GNPDA2: variants seen among roughly 807,000 people sequenced by gnomAD.
GNPDA2 encodes glucosamine-6-phosphate deaminase 2.
In GNPDA2, 24 loss-of-function variants were observed where a neutral mutation model predicts 27.0. The ratio of observed to expected loss-of-function variants is 0.89; its 90% CI spans 0.64 to 1.25. The LOEUF (loss-of-function observed/expected upper bound fraction) is 1.25. Among genes scored for constraint, GNPDA2 ranks in the 50% most tolerant of loss-of-function variants. GNPDA2 has a pLI of 0.00. For synonymous variants in GNPDA2, 94 were observed against 108.4 expected (o/e 0.87, Z 0.83); for missense variants, 286 against 335.1 (o/e 0.85, Z 1.14).
intron 4 of GNPDA2, among the ~76,000 whole-genome samples, chr4:44,711,745 GT>G (rs1421940948): frequency 3.7e-4 from 52 of 141,960 alleles, no homozygotes; most frequent in Non-Finnish European, 5.5e-4. Flanking sequence ...TAGGGCAACA[GT>G]TTTTTTTTTT....
chr4:44,703,320 C>T, intron 6 of GNPDA2, 178 bp from the exon 7 acceptor site: 1 of 1,384,894 alleles, frequency 7.2e-7, no homozygotes, highest in Non-Finnish European at 9.3e-7. Flanking sequence ...TAAGTTTTAT[C>T]TACCTAGCAA....
At chr4:44,718,966 G>A (rs946068597) in intron 2 of GNPDA2, among the ~76,000 whole-genome samples, 2 of 151,896 alleles carry the variant, frequency 1.3e-5, no homozygotes, top group Admixed American at 6.6e-5. Context: ...GCTAAAATGT[G>A]TAAGGTGAGA....
Position 44,714,577 on chromosome 4 carries a change from ATCTCTATTTCAACT to A in GNPDA2, c.409+2522_409+2535del, listed in dbSNP as rs552387314. The stretch of plus-strand genomic sequence containing the variant: ...ATTCTGGCTTCAAGCCCAAACTGCA[ATCTCTATTTCAACT>A]TTACCTTTAATAAAGCTGATATTTT... On this transcript the variant is annotated intron_variant, in intron 4 of 6. Coordinates refer to ENST00000295448, the MANE Select transcript of GNPDA2 (RefSeq NM_138335.3). 7.4e-5 allele frequency: 73 copies of A among 984,358 alleles called. No individual in the cohort carries two copies. The African/African-American group carries it at 1.2e-3, about 16-fold the overall frequency. 61.0% of individuals were successfully genotyped at this position (984,358 alleles called of 1,614,324 possible).
rs1022174939 is a variant in GNPDA2, at chr4:44,711,242, CT to C, written c.410-106del. 7 of 599,430 alleles carry C rather than the reference CT, an allele frequency of 1.2e-5. No individual in the cohort carries two copies. In the African/African-American group the frequency reaches 1.4e-4, roughly 12 times the overall value. The allele number at this position is 599,430 out of a possible 1,614,324, so 37.1% of individuals were successfully genotyped here. On this transcript the variant is annotated intron_variant, in intron 4 of 6. Transcript: ENST00000295448. ...AAAAATCACCTTGTTTTATTTTATA[CT>C]TGAATTCCTATTACTGCATTAAAAT... is the stretch of plus-strand genomic sequence containing the variant.
chr4:44,725,220 G>A (rs1717937929), intron 1 of GNPDA2, among the ~76,000 whole-genome samples: 1 of 152,140 alleles, frequency 6.6e-6, no homozygotes, highest in African/African-American at 2.4e-5. Flanking sequence ...ACTTGTCTCT[G>A]AGGTTGAAAG....
chr4:44,703,796 G>A, intron 6 of GNPDA2: 1 of 985,154 alleles, frequency 1.0e-6, no homozygotes, highest in Non-Finnish European at 1.2e-6. Flanking sequence ...TATGGAAGCT[G>A]CTTGGGAAAT....
intron 5 of GNPDA2, among the ~76,000 whole-genome samples, chr4:44,708,164 T>A (rs755677741): frequency 3.9e-5 from 6 of 152,112 alleles, no homozygotes; most frequent in Non-Finnish European, 7.4e-5. Flanking sequence ...GCAAACACTA[T>A]AATACCTGTA....
At chr4:44,717,796 T>C (rs1272458174) in intron 3 of GNPDA2, among the ~76,000 whole-genome samples, 1 of 151,892 alleles carries the variant, frequency 6.6e-6, no homozygotes, top group African/African-American at 2.4e-5. Flanking sequence ...TATGCTACCA[T>C]TAAATACACA....
chr4:44,713,339 G>C (rs576482163), intron 4 of GNPDA2, among the ~76,000 whole-genome samples: 1 of 152,310 alleles, frequency 6.6e-6, no homozygotes, highest in South Asian at 2.1e-4. Flanking sequence ...TGAAGCACTG[G>C]ATGACAGCAC....
At chr4:44,721,063 A>G (rs1024996190) in intron 2 of GNPDA2, among the ~76,000 whole-genome samples, 4 of 152,080 alleles carry the variant, frequency 2.6e-5, no homozygotes, top group Admixed American at 2.6e-4. Context: ...AGTGAAAAAA[A>G]AAAAACCCTT....
At chr4:44,724,186 T>C (rs1048355046) in intron 1 of GNPDA2, among the ~76,000 whole-genome samples, 6 of 152,142 alleles carry the variant, frequency 3.9e-5, no homozygotes, top group African/African-American at 1.4e-4. Context: ...GTTTTCTCTT[T>C]TAGGAAGTCA....
chr4:44,703,831 T>C, intron 6 of GNPDA2: 1 of 985,222 alleles, frequency 1.0e-6, no homozygotes, highest in South Asian at 4.7e-5. Context: ...TTACTCCTGT[T>C]TTAATGCCTC....
At chr4:44,704,855 AAG>A in intron 6 of GNPDA2, 5 of 984,134 alleles carry the variant, frequency 5.1e-6, no homozygotes, top group Non-Finnish European at 4.8e-6. Flanking sequence ...AATACAAAGT[AAG>A]AGAAAAAAAT....
intron 6 of GNPDA2, chr4:44,704,329 AT>A: frequency 1.0e-6 from 1 of 965,122 alleles, no homozygotes. Flanking sequence ...AAGATGCAAC[AT>A]TTTCCAGAGT....
chr4:44,721,287 T>C (rs1251279740), intron 2 of GNPDA2, among the ~76,000 whole-genome samples: 1 of 152,164 alleles, frequency 6.6e-6, no homozygotes, highest in Non-Finnish European at 1.5e-5. Context: ...GACTACAGTA[T>C]ACAAGGGACT....
At chr4:44,713,692 C>T (rs930060089) in intron 4 of GNPDA2, among the ~76,000 whole-genome samples, 1 of 152,066 alleles carries the variant, frequency 6.6e-6, no homozygotes, top group African/African-American at 2.4e-5. Context: ...CCAGCCTGGC[C>T]AATGTGGCAA....
At chr4:44,712,642 A>G (rs1481561564) in intron 4 of GNPDA2, among the ~76,000 whole-genome samples, 1 of 152,084 alleles carries the variant, frequency 6.6e-6, no homozygotes, top group Non-Finnish European at 1.5e-5. Context: ...ATATGTGTAG[A>G]GGGAAGGATG....
rs1716338556 is a variant in GNPDA2 at position 44,702,488 on chromosome 4, A to G, written c.*593T>C. On this transcript the variant is annotated 3_prime_UTR_variant, in exon 7 of 7. Transcript: ENST00000295448. ...GTGCACAAAAAACATGCACTTACACATACTTTCCAAAAGGATGTAAACTGT... is the reference window on the plus strand; with the variant it reads ...GTGCACAAAAAACATGCACTTACACGTACTTTCCAAAAGGATGTAAACTGT... 1 of 984,588 alleles carries G rather than the reference A, an allele frequency of 1.0e-6. No homozygotes were observed. Among genetic ancestry groups the G allele is most frequent in the African/African-American group, 1.7e-5 (1 of 57,202 alleles). The allele number at this position is 984,588 out of a possible 1,614,324, so 61.0% of individuals were successfully genotyped here.
At chr4:44,720,743 C>T (rs1338746464) in intron 2 of GNPDA2, among the ~76,000 whole-genome samples, 1 of 152,038 alleles carries the variant, frequency 6.6e-6, no homozygotes, top group Non-Finnish European at 1.5e-5. Context: ...TGGAAAATTT[C>T]AACAAGGTTT....
Sources: gnomAD v4.1 joint callset for allele counts (sites outside exome capture counted in the v4.1 genomes callset) on GRCh38, gnomAD v4.1.1 for gene constraint, MANE v1.5 for transcripts, NCBI Gene and HGNC (gene_info 2026-07-23, HGNC 2026-07-21) for gene names.